Variants in VPS53 observed in about 807,000 individuals in gnomAD.
The protein encoded by VPS53 is VPS53 subunit of GARP complex.
Under a neutral mutation model 107.0 loss-of-function variants are expected in VPS53, and 70 were observed. The ratio of observed to expected loss-of-function variants is 0.65; its 90% CI spans 0.54 to 0.80. The LOEUF is 0.80. VPS53 is among the 30% of genes least tolerant of loss of function. VPS53 has a pLI of 0.00. For synonymous variants in VPS53, 409 were observed against 393.3 expected (o/e 1.04, Z -0.47); for missense variants, 917 against 1,049.4 (o/e 0.87, Z 1.74).
chr17:612,119 C>T (rs933268712), intron 11 of VPS53, among the ~76,000 whole-genome samples: 1 of 151,832 alleles, frequency 6.6e-6, no homozygotes, highest in Non-Finnish European at 1.5e-5. Context: ...CAGATACTCA[C>T]AGCAGTATTC....
intron 5 of VPS53, among the ~76,000 whole-genome samples, chr17:659,577 G>A (rs1365660716): frequency 6.6e-6 from 1 of 152,126 alleles, no homozygotes; most frequent in Non-Finnish European, 1.5e-5. Context: ...CACCGTGCCC[G>A]GCTGCATCAG....
At chr17:577,756 TC>T (rs1914757348) in intron 13 of VPS53, among the ~76,000 whole-genome samples, 1 of 151,372 alleles carries the variant, frequency 6.6e-6, no homozygotes, top group African/African-American at 2.4e-5. Context: ...CCTAATGCGT[TC>T]CCAGAGATCC....
chr17:605,053 C>T (rs1968501166), intron 11 of VPS53, among the ~76,000 whole-genome samples: 1 of 151,892 alleles, frequency 6.6e-6, no homozygotes, highest in Admixed American at 6.6e-5. Context: ...CGCAGCCGTC[C>T]CTAAAGAAAA....
chr17:584,119 T>A (rs1283577248), intron 13 of VPS53, among the ~76,000 whole-genome samples: 1 of 152,252 alleles, frequency 6.6e-6, no homozygotes, highest in Non-Finnish European at 1.5e-5. Context: ...AGAACTTCCC[T>A]CAGGACTTTC....
intron 2 of VPS53, among the ~76,000 whole-genome samples, chr17:702,453 G>A (rs1421904082): frequency 6.6e-6 from 1 of 151,914 alleles, no homozygotes; most frequent in African/African-American, 2.4e-5. Flanking sequence ...CACAAGGTCA[G>A]GAGTTCGAGA....
Position 575,695 on chromosome 17 carries a change from A to G in VPS53, c.1313+10575T>C, listed in dbSNP as rs1914538673. Among the ~76,000 whole-genome samples, 4 of 150,918 alleles carry G rather than the reference A, an allele frequency of 2.7e-5. 1 individual carries two copies. The South Asian group carries it at 6.3e-4, about 24-fold the overall frequency. ...CCAGGGAACCTCCCTCAGAACCTCAATGCGTTCCCAGAGAACCTCCCCCAG... is the reference window on the plus strand; with the variant it reads ...CCAGGGAACCTCCCTCAGAACCTCAGTGCGTTCCCAGAGAACCTCCCCCAG... On this transcript the variant is annotated intron_variant, in intron 13 of 21. Coordinates refer to ENST00000437048, the MANE Select transcript of VPS53 (RefSeq NM_001128159.3).
At chr17:593,466 A>G (rs868031874) in intron 12 of VPS53, among the ~76,000 whole-genome samples, 53 of 152,302 alleles carry the variant, frequency 3.5e-4, no homozygotes, top group South Asian at 8.3e-4. Flanking sequence ...TTACAAGAAA[A>G]AAACAAACAG....
At chr17:628,493 C>T (rs920394349) in intron 8 of VPS53, among the ~76,000 whole-genome samples, 2 of 152,184 alleles carry the variant, frequency 1.3e-5, no homozygotes, top group Admixed American at 6.5e-5. Flanking sequence ...CAGTAATGAT[C>T]ACGGGAAATT....
chr17:631,883 T>C (rs925109057), intron 7 of VPS53, among the ~76,000 whole-genome samples: 1 of 152,082 alleles, frequency 6.6e-6, no homozygotes, highest in Non-Finnish European at 1.5e-5. Flanking sequence ...AGGTCATATG[T>C]ATTAATCTTT....
chr17:635,882 CCTT>C (rs1468600644), intron 7 of VPS53, among the ~76,000 whole-genome samples: 4 of 152,160 alleles, frequency 2.6e-5, no homozygotes, highest in African/African-American at 4.8e-5. Flanking sequence ...CAATGCGGGA[CCTT>C]TTTTGGTTCC....
chr17:573,064 G>GTAATCA (rs1179236444), intron 13 of VPS53, among the ~76,000 whole-genome samples: 22 of 152,278 alleles, frequency 1.4e-4, no homozygotes, highest in African/African-American at 5.1e-4. Flanking sequence ...AATCAACAAT[G>GTAATCA]GTAATTAGTT....
intron 8 of VPS53, among the ~76,000 whole-genome samples, chr17:628,764 CAT>C (rs754829805): frequency 6.6e-6 from 1 of 152,192 alleles, no homozygotes; most frequent in Non-Finnish European, 1.5e-5. Context: ...CAAGCCACGA[CAT>C]GTGTTTCACA....
chr17:713,883 A>ACC (rs879613085), intron 1 of VPS53, among the ~76,000 whole-genome samples: 8 of 142,456 alleles, frequency 5.6e-5, no homozygotes, highest in African/African-American at 2.0e-4. Context: ...TTTACCCCAA[A>ACC]AAAAAAAAAA....
intron 12 of VPS53, among the ~76,000 whole-genome samples, chr17:592,751 G>A (rs1001504662): frequency 6.6e-6 from 1 of 152,208 alleles, no homozygotes. Context: ...TCTGCCGAGA[G>A]ATCTGCTGTT....
chr17:590,010 A>C (rs574893), intron 12 of VPS53, among the ~76,000 whole-genome samples: 1 of 151,886 alleles, frequency 6.6e-6, no homozygotes, highest in African/African-American at 2.4e-5. Flanking sequence ...TACTCATGAG[A>C]ATGGAATGTT....
chr17:701,645 G>A (rs1378310394), intron 2 of VPS53, among the ~76,000 whole-genome samples: 2 of 152,076 alleles, frequency 1.3e-5, no homozygotes, highest in Non-Finnish European at 2.9e-5. Flanking sequence ...CAAAGTGCTA[G>A]GATTACAGGT....
intron 11 of VPS53, 24 bp from the exon 12 acceptor site, chr17:601,920 GA>G: frequency 1.3e-6 from 2 of 1,532,938 alleles, no homozygotes; most frequent in Non-Finnish European, 1.8e-6. Context: ...ATGAGAAAGA[GA>G]AGTGTTTTCT....
In VPS53 at chr17:622,718, CTCTT is replaced by C. The variant is rs894062406; in HGVS notation, c.1116+811_1116+814del. On this transcript the variant is annotated intron_variant, in intron 11 of 21. Coordinates refer to ENST00000437048, the MANE Select transcript of VPS53 (RefSeq NM_001128159.3). ...CCAAAGAGAAGAGGTTTACTCCTTTCTCTTTCTTTTCTTTTTTTTTAGAGATAGG... is the reference window on the plus strand; with the variant it reads ...CCAAAGAGAAGAGGTTTACTCCTTTCTCTTTTCTTTTTTTTTAGAGATAGG... Among the ~76,000 whole-genome samples the C allele has an allele frequency of 5.5e-5, 8 of 145,368 alleles. No individual in the cohort carries two copies. In the East Asian group the frequency reaches 1.2e-3, roughly 22 times the overall value.
At chr17:549,645 G>A (rs548498608) in intron 17 of VPS53, among the ~76,000 whole-genome samples, 11 of 152,064 alleles carry the variant, frequency 7.2e-5, no homozygotes, top group South Asian at 6.2e-4. Flanking sequence ...GCTGCATTCC[G>A]ATCTGAAGTG....
Sources: allele counts gnomAD v4.1 joint callset (sites outside exome capture counted in the v4.1 genomes callset), GRCh38; gene constraint gnomAD v4.1.1; transcripts MANE v1.5; gene names NCBI Gene and HGNC (gene_info 2026-07-23, HGNC 2026-07-21).